The following MARCHF1 variants were observed in gnomAD, a reference collection of about 807,000 sequenced individuals.
MARCHF1 encodes membrane associated ring-CH-type finger 1, also known as E3 ubiquitin-protein ligase MARCHF1.
In MARCHF1, 40 loss-of-function variants were observed where a neutral mutation model predicts 54.2. The observed-to-expected ratio is 0.74, with a 90% CI of 0.57 to 0.96. The LOEUF is 0.96. Ranked by LOEUF, MARCHF1 falls within the 40% of genes least tolerant of loss-of-function variation. MARCHF1 has a pLI of 0.00. For missense variants in MARCHF1, 586 were observed against 656.5 expected (o/e 0.89, Z 1.17); for synonymous variants, 236 against 236.3 (o/e 1.00, Z 0.01).
intron 1 of MARCHF1, among the ~76,000 whole-genome samples, chr4:164,290,523 A>G (rs1734261600): frequency 6.6e-6 from 1 of 151,980 alleles, no homozygotes; most frequent in Non-Finnish European, 1.5e-5. Flanking sequence ...AAATGGAAAA[A>G]AAGAGAAAAA....
intron 1 of MARCHF1, among the ~76,000 whole-genome samples, chr4:164,123,579 A>C (rs1015604082): frequency 2.6e-5 from 4 of 152,186 alleles, no homozygotes; most frequent in Non-Finnish European, 2.9e-5. Context: ...ACCAAGCAGC[A>C]TGGTGCTAGC....
chr4:164,152,884 C>G (rs962120125), intron 1 of MARCHF1, among the ~76,000 whole-genome samples: 3 of 152,002 alleles, frequency 2.0e-5, no homozygotes, highest in Non-Finnish European at 4.4e-5. Flanking sequence ...GAAGTCCACC[C>G]CCCACCCACC....
chr4:163,632,414 C>T (rs543780463), intron 5 of MARCHF1, among the ~76,000 whole-genome samples: 27 of 152,154 alleles, frequency 1.8e-4, no homozygotes, highest in Non-Finnish European at 3.2e-4. Flanking sequence ...CGAAGCAGGG[C>T]GAGGCATTGC....
intron 5 of MARCHF1, among the ~76,000 whole-genome samples, chr4:163,652,374 T>C (rs1275252340): frequency 1.3e-5 from 2 of 151,850 alleles, no homozygotes; most frequent in East Asian, 1.9e-4. Flanking sequence ...TCATCTACGA[T>C]TCTCCCTGTA....
intron 6 of MARCHF1, 118 bp downstream of exon 6, chr4:163,613,196 T>C (rs775475934): frequency 7.7e-7 from 1 of 1,298,898 alleles, no homozygotes; most frequent in African/African-American, 1.5e-5. Flanking sequence ...ATAGCCAGTA[T>C]AAATTTTCTA....
At chr4:164,056,701 G>A (rs1754497355) in intron 2 of MARCHF1, among the ~76,000 whole-genome samples, 1 of 152,212 alleles carries the variant, frequency 6.6e-6, no homozygotes, top group Non-Finnish European at 1.5e-5. Context: ...TGCTCAGCAA[G>A]AGAACTCACT....
At chr4:164,086,907 A>G (rs1383630074) in intron 2 of MARCHF1, among the ~76,000 whole-genome samples, 2 of 152,140 alleles carry the variant, frequency 1.3e-5, no homozygotes, top group Admixed American at 1.3e-4. Flanking sequence ...AAAAAGACAG[A>G]CAATAAAATC....
chr4:163,717,358 G>T (rs1745297549), intron 4 of MARCHF1, among the ~76,000 whole-genome samples: 1 of 151,468 alleles, frequency 6.6e-6, no homozygotes, highest in African/African-American at 2.4e-5. Context: ...AGTATTCCAG[G>T]GTGTATATGT....
intron 9 of MARCHF1, among the ~76,000 whole-genome samples, chr4:163,535,816 C>CTGAAACACTGACTCAGTGTAGACCATAGG (rs1228422197): frequency 6.7e-6 from 1 of 149,684 alleles, no homozygotes; most frequent in East Asian, 2.0e-4. Flanking sequence ...GAACAATCAT[C>CTGAAACACTGACTCAGTGTAGACCATAGG]TGAAACACTG....
intron 4 of MARCHF1, among the ~76,000 whole-genome samples, chr4:163,822,938 G>A (rs1748735810): frequency 6.6e-6 from 1 of 151,816 alleles, no homozygotes; most frequent in Non-Finnish European, 1.5e-5. Context: ...GTTATAAACT[G>A]TAGACTCTAA....
At chr4:164,147,140 G>T (rs533051818) in intron 1 of MARCHF1, among the ~76,000 whole-genome samples, 2 of 152,096 alleles carry the variant, frequency 1.3e-5, no homozygotes, top group East Asian at 3.9e-4. Flanking sequence ...TCTCACACCA[G>T]TTAGAATGAC....
At chr4:163,597,396 A>C (rs951633169) in intron 7 of MARCHF1, among the ~76,000 whole-genome samples, 1 of 152,182 alleles carries the variant, frequency 6.6e-6, no homozygotes, top group Non-Finnish European at 1.5e-5. Flanking sequence ...AGGCAAAACC[A>C]CTAAGACTTT....
intron 4 of MARCHF1, among the ~76,000 whole-genome samples, chr4:163,800,925 A>T (rs1211593233): frequency 2.0e-5 from 3 of 152,060 alleles, no homozygotes; most frequent in Non-Finnish European, 2.9e-5. Flanking sequence ...AATAACTGAG[A>T]AGTTCAAGGT....
At chr4:164,285,862 T>C (rs1009125151) in intron 1 of MARCHF1, among the ~76,000 whole-genome samples, 8 of 140,248 alleles carry the variant, frequency 5.7e-5, no homozygotes, top group African/African-American at 2.1e-4. Context: ...AAGCCACAAA[T>C]TGTATGAAAT....
At chr4:163,745,003 A>G (rs1304480056) in intron 4 of MARCHF1, among the ~76,000 whole-genome samples, 3 of 152,192 alleles carry the variant, frequency 2.0e-5, no homozygotes, top group Non-Finnish European at 4.4e-5. Flanking sequence ...AACCAACACC[A>G]AACTGTAGCT....
At chr4:163,834,626 C>G (rs1429310367) in intron 4 of MARCHF1, among the ~76,000 whole-genome samples, 1 of 136,612 alleles carries the variant, frequency 7.3e-6, no homozygotes. Context: ...CAACAGTCCC[C>G]AGAGTGTGAT....
chr4:163,578,166 TTTGTGTATTCTTAGTTC>T (rs1308534032), intron 8 of MARCHF1, among the ~76,000 whole-genome samples: 23 of 152,134 alleles, frequency 1.5e-4, no homozygotes, highest in South Asian at 1.5e-3. Context: ...GAAGCTCCAT[TTTGTGTATTCTTAGTTC>T]TTGTGTATTC....
intron 1 of MARCHF1, among the ~76,000 whole-genome samples, chr4:164,261,610 A>G (rs1467736055): frequency 6.6e-6 from 1 of 152,102 alleles, no homozygotes; most frequent in South Asian, 2.1e-4. Context: ...CTGAGGTTAC[A>G]TCTTAAATCC....
intron 1 of MARCHF1, among the ~76,000 whole-genome samples, chr4:164,218,390 T>C (rs1040674904): frequency 1.3e-5 from 2 of 151,974 alleles, no homozygotes; most frequent in Non-Finnish European, 1.5e-5. Flanking sequence ...TAGTGTTGCA[T>C]TAATGAGGTT....
Sources: allele counts gnomAD v4.1 joint callset (sites outside exome capture counted in the v4.1 genomes callset), GRCh38; gene constraint gnomAD v4.1.1; transcripts MANE v1.5; gene names NCBI Gene and HGNC (gene_info 2026-07-23, HGNC 2026-07-21).